ANKDD1B: variants seen among roughly 807,000 people sequenced by gnomAD.
ANKDD1B encodes ankyrin repeat and death domain containing 1B.
ANKDD1B carries 57 observed loss-of-function variants against 59.7 expected under a neutral mutation model. The observed-to-expected ratio is 0.95, with a 90% CI of 0.77 to 1.19. ANKDD1B has a LOEUF of 1.19. Among genes scored for constraint, ANKDD1B ranks in the 50% most tolerant of loss-of-function variants. The probability of loss-of-function intolerance (pLI) is 0.00; values close to 1 mark genes in which losing one functional copy is unlikely to be tolerated. For synonymous variants in ANKDD1B, 216 were observed against 239.5 expected, an observed-to-expected ratio of 0.90 and a Z score of 0.91; for missense variants, 602 against 641.9, an observed-to-expected ratio of 0.94 and a Z score of 0.67.
chr5:75,624,258 G>C (rs1773929968), intron 3 of ANKDD1B, among the ~76,000 whole-genome samples: 2 of 152,216 alleles, frequency 1.3e-5, no homozygotes, highest in Non-Finnish European at 2.9e-5. Context: ...CCCCGTACTT[G>C]AAAGTGATAG....
chr5:75,623,456 A>G (rs888653757), intron 3 of ANKDD1B, among the ~76,000 whole-genome samples: 1 of 152,154 alleles, frequency 6.6e-6, no homozygotes, highest in Non-Finnish European at 1.5e-5. Flanking sequence ...AATTGTGTTT[A>G]GGGAACATGT....
At chr5:75,660,512 G>A (rs966920822) in intron 10 of ANKDD1B, among the ~76,000 whole-genome samples, 2 of 152,172 alleles carry the variant, frequency 1.3e-5, no homozygotes, top group Non-Finnish European at 2.9e-5. Flanking sequence ...GGACATTTGG[G>A]TTGCGTCCAC....
At chr5:75,667,546 G>A (rs951614373) in intron 12 of ANKDD1B, among the ~76,000 whole-genome samples, 2 of 152,154 alleles carry the variant, frequency 1.3e-5, no homozygotes, top group Admixed American at 6.5e-5. Flanking sequence ...GACTCAGAGG[G>A]CTTTCTTGGC....
chr5:75,615,207 A>C (rs1335658842), intron 1 of ANKDD1B, among the ~76,000 whole-genome samples: 4 of 152,118 alleles, frequency 2.6e-5, no homozygotes, highest in African/African-American at 4.8e-5. Flanking sequence ...AATGGATGAG[A>C]AGTTGTGGTC....
intron 10 of ANKDD1B, among the ~76,000 whole-genome samples, chr5:75,662,114 T>G (rs1378388175): frequency 6.6e-6 from 1 of 152,022 alleles, no homozygotes; most frequent in Non-Finnish European, 1.5e-5. Context: ...GTGTTTGGAT[T>G]TTCACTCCAG....
intron 3 of ANKDD1B, among the ~76,000 whole-genome samples, 166 bp downstream of exon 3, chr5:75,620,579 G>T (rs186476055): frequency 1.3e-5 from 2 of 152,302 alleles, no homozygotes; most frequent in East Asian, 3.9e-4. Context: ...TGTGCTCTTT[G>T]AATTTGGGGA....
chr5:75,659,787 AC>A (rs1003242123), intron 10 of ANKDD1B, among the ~76,000 whole-genome samples: 3 of 152,182 alleles, frequency 2.0e-5, no homozygotes, highest in Admixed American at 6.5e-5. Flanking sequence ...ATGCAAGCAA[AC>A]ATAAACACAT....
intron 7 of ANKDD1B, among the ~76,000 whole-genome samples, chr5:75,636,886 G>T (rs749136156): frequency 6.6e-6 from 1 of 151,992 alleles, no homozygotes; most frequent in Admixed American, 6.6e-5. Context: ...GGTAATGAGG[G>T]CTTGAATGGG....
chr5:75,656,706 C>CTCTGGGGCTCT (rs543905262), intron 9 of ANKDD1B, among the ~76,000 whole-genome samples: 3 of 152,220 alleles, frequency 2.0e-5, no homozygotes, highest in East Asian at 1.9e-4. Context: ...TGAGCCTGCT[C>CTCTGGGGCTCT]TCTGGGGCTC....
At chr5:75,659,680 C>G (rs976624681) in intron 10 of ANKDD1B, among the ~76,000 whole-genome samples, 1 of 152,002 alleles carries the variant, frequency 6.6e-6, no homozygotes, top group Non-Finnish European at 1.5e-5. Flanking sequence ...AATTTCCCAC[C>G]CACCCCTGTT....
rs1579987027 is a variant in ANKDD1B, at chr5:75,670,830, T to C, written c.1526-149T>C. On this transcript the variant is annotated intron_variant, in intron 13 of 13. Transcript: ENST00000601380. Reference sequence around the variant, plus strand: ...TCGAGCAAGTTCTATGACCTTCCTGTGACAACCTTCTCATTTATTAACTAG... The same window carrying C: ...TCGAGCAAGTTCTATGACCTTCCTGCGACAACCTTCTCATTTATTAACTAG... 1.1e-5 allele frequency: 4 copies of C among 371,156 alleles called. No individual in the cohort carries two copies. The East Asian group carries it at 1.5e-4, about 14-fold the overall frequency. The allele number at this position is 371,156 out of a possible 1,614,324, so 23.0% of individuals were successfully genotyped here.
chr5:75,655,216 G>T (rs936256907), intron 8 of ANKDD1B, among the ~76,000 whole-genome samples: 6 of 152,190 alleles, frequency 3.9e-5, no homozygotes, highest in African/African-American at 1.4e-4. Flanking sequence ...CAGTGGTTGG[G>T]ATAAGTGAGA....
Position 75,663,430 on chromosome 5 carries a change from A to T in ANKDD1B, c.1132A>T (p.Asn378Tyr), listed in dbSNP as rs1391631687. ...KTALAVASRSNHSLVVGMLIK... is the reference protein window; with the variant it reads ...KTALAVASRSYHSLVVGMLIK... ...TGCCCTGGCTGTGGCCTCCAGGAGC[A>T]ACCATAGCCTTGTCGTGGGCATGCT... Residue 378 changes from asparagine to tyrosine, a missense_variant, in exon 11 of 14, where the codon AAC becomes TAC. By Grantham distance (143) the Asn-to-Tyr change is moderately radical. Transcript: ENST00000601380. 1 of 1,536,300 alleles carries T rather than the reference A, an allele frequency of 6.5e-7. No individual in the cohort carries two copies. Among genetic ancestry groups the T allele is most frequent in the Non-Finnish European group, 8.7e-7 (1 of 1,146,972 alleles).
chr5:75,637,262 A>G (rs1364619469), intron 7 of ANKDD1B, among the ~76,000 whole-genome samples: 1 of 145,900 alleles, frequency 6.9e-6, no homozygotes, highest in African/African-American at 2.6e-5. Context: ...AAAAAAAAAA[A>G]AAAAAAAAAA....
In ANKDD1B at chr5:75,643,788, A is replaced by C. The variant is rs1309591616; in HGVS notation, c.798+7906A>C. 7.9e-5 allele frequency among the ~76,000 whole-genome samples: 2 copies of C among 25,390 alleles called. 1 individual carries two copies. Among genetic ancestry groups the C allele is most frequent in the Non-Finnish European group, 1.3e-4 (2 of 15,854 alleles). The allele number at this position is 25,390 out of a possible 152,430, so 16.7% of individuals were successfully genotyped here. On this transcript the variant is annotated intron_variant, in intron 7 of 13. Coordinates refer to ENST00000601380, the MANE Select transcript of ANKDD1B (RefSeq NM_001276713.2). The stretch of plus-strand genomic sequence containing the variant: ...CTCGAGAAGAGCAACTCCAAGACAC[A>C]TAATTGTCAGATTCACCAAAGTTGA...
chr5:75,670,910 T>C (rs970664469), intron 13 of ANKDD1B, 69 bp from the exon 14 acceptor site: 16 of 515,506 alleles, frequency 3.1e-5, no homozygotes, highest in Non-Finnish European at 3.3e-5. Flanking sequence ...TAATGAATAA[T>C]AGTGCCTGGT....
In ANKDD1B at chr5:75,663,464, CAG is replaced by C. The variant is rs1169729420; in HGVS notation, c.1172_1173del (p.Arg391IlefsTer10). 9.8e-6 allele frequency: 15 copies of C among 1,536,406 alleles called. No individual in the cohort carries two copies. In the African/African-American group the frequency reaches 1.9e-4, roughly 20 times the overall value. ...CTTGTCGTGGGCATGCTCATTAAAG[CAG>C]AGAGATACTACGCCTGGAGAGAGGT... On this transcript the variant is annotated frameshift_variant, in exon 11 of 14. Coordinates refer to ENST00000601380, the MANE Select transcript of ANKDD1B (RefSeq NM_001276713.2). LOFTEE classifies it high-confidence loss of function.
chr5:75,625,681 C>T lies in ANKDD1B; in HGVS notation c.431C>T (p.Ser144Phe). Residue 144 changes from serine (S) to phenylalanine (F), a missense_variant, in exon 4 of 14, where the codon TCT (serine) becomes TTT (phenylalanine). Physicochemically the swap from Ser to Phe is radical, Grantham distance 155. This residue lies in a region of ANKDD1B where 317 missense variants were observed against 304.6 expected (regional missense o/e 1.04). Coordinates refer to ENST00000601380, the MANE Select transcript of ANKDD1B (RefSeq NM_001276713.2). ...ACAGTAATTCACCTTGCAGCCTGGT[C>T]TGGGAGCCTTGAGGTCATGCTCATG... is the stretch of plus-strand genomic sequence containing the variant. ...GLTVIHLAAW[S>F]GSLEVMLMLV... is the part of the protein sequence containing the mutation. 6.5e-7 allele frequency: 1 copy of T among 1,536,414 alleles called. No individual in the cohort carries two copies. The highest frequency in any genetic ancestry group is 8.7e-7 in the Non-Finnish European group (1 of 1,146,988).
intron 7 of ANKDD1B, among the ~76,000 whole-genome samples, chr5:75,652,086 CTG>C (rs1349029471): frequency 6.6e-6 from 1 of 152,156 alleles, no homozygotes; most frequent in Non-Finnish European, 1.5e-5. Flanking sequence ...ACTGCAGAGA[CTG>C]TGGGAAAGGA....
Sources: gnomAD v4.1 joint callset for allele counts (sites outside exome capture counted in the v4.1 genomes callset) on GRCh38, gnomAD v4.1.1 for gene constraint, gnomAD v4.1.1 regional missense constraint, MANE v1.5 for transcripts, NCBI Gene and HGNC (gene_info 2026-07-23, HGNC 2026-07-21) for gene names.